Variants in FHAD1 observed in about 807,000 individuals in gnomAD.
FHAD1 encodes forkhead-associated domain-containing protein 1.
FHAD1 carries 146 observed loss-of-function variants against 191.3 expected under a neutral mutation model. That is an observed-to-expected ratio of 0.76 (90% CI 0.67 to 0.88). FHAD1 has a LOEUF of 0.88. FHAD1 is among the 40% of genes least tolerant of loss of function. The pLI is 0.00. For missense variants in FHAD1, 1,635 were observed against 1,785.8 expected (o/e 0.92, Z 1.52); for synonymous variants, 616 against 672.3 (o/e 0.92, Z 1.29).
chr1:15,307,578 C>T (rs1256627691), intron 6 of FHAD1, among the ~76,000 whole-genome samples: 1 of 152,182 alleles, frequency 6.6e-6, no homozygotes, highest in Non-Finnish European at 1.5e-5. Context: ...GCTGGTCTTT[C>T]TCATGCTGTT....
chr1:15,282,784 C>T (rs892109250), intron 3 of FHAD1, among the ~76,000 whole-genome samples: 14 of 152,186 alleles, frequency 9.2e-5, no homozygotes, highest in Non-Finnish European at 5.9e-5. Context: ...TAAGAATAGA[C>T]AAGCAACAAA....
chr1:15,331,405 T>G (rs889073891), intron 14 of FHAD1, among the ~76,000 whole-genome samples: 2 of 149,440 alleles, frequency 1.3e-5, no homozygotes, highest in Admixed American at 1.3e-4. Context: ...GATGGAAGCA[T>G]TGGTGGGTGG....
At chr1:15,390,874 G>A (rs1164096166) in intron 32 of FHAD1, among the ~76,000 whole-genome samples, 1 of 152,144 alleles carries the variant, frequency 6.6e-6, no homozygotes, top group Non-Finnish European at 1.5e-5. Context: ...GGGAGGCGCT[G>A]CCTCGAGCTA....
chr1:15,298,945 G>A (rs190884243), intron 5 of FHAD1, among the ~76,000 whole-genome samples: 2 of 151,590 alleles, frequency 1.3e-5, no homozygotes, highest in East Asian at 3.9e-4. Flanking sequence ...CAAGCAGGAG[G>A]ATCACTTGAG....
At position 15,316,518 on chromosome 1, in the gene FHAD1, AC is replaced by A. The variant is rs1368262316; in HGVS notation, c.1260+53del. The A allele has an allele frequency of 6.7e-7, 1 of 1,483,904 alleles. No homozygotes were observed. Among genetic ancestry groups the A allele is most frequent in the Non-Finnish European group, 9.2e-7 (1 of 1,087,740 alleles). 91.9% of individuals were successfully genotyped at this position (1,483,904 alleles called of 1,614,324 possible). On this transcript the variant is annotated intron_variant, in intron 9 of 33. Coordinates refer to ENST00000688493, the MANE Select transcript of FHAD1 (RefSeq NM_001391957.1). This position sits in a 1 kb window ranked among gnomAD's most constrained non-coding sequence, Gnocchi z 4.3. ...GTACCACCAGAAAAAACAGAGTTTG[AC>A]CTTGAGGTTCTTGGTGGGATCCTGG...
rs1444469344 is a variant in FHAD1 at position 15,317,802 on chromosome 1, A to G, written c.1261-22A>G. The stretch of plus-strand genomic sequence containing the variant: ...GCTCCTGCCCCCATCAGGGAGGTTC[A>G]CTCTTGTTGAAACTTTTTCAGCAAA... On this transcript the variant is annotated intron_variant, in intron 9 of 33. Transcript: ENST00000688493. The G allele has an allele frequency of 2.6e-6, 4 of 1,530,158 alleles. No individual in the cohort carries two copies. The East Asian group carries it at 7.4e-5, about 28-fold the overall frequency. 94.8% of individuals were successfully genotyped at this position (1,530,158 alleles called of 1,614,324 possible).
intron 3 of FHAD1, among the ~76,000 whole-genome samples, chr1:15,275,632 G>C (rs1256603855): frequency 6.6e-6 from 1 of 152,132 alleles, no homozygotes; most frequent in Non-Finnish European, 1.5e-5. Flanking sequence ...CTTTCTGATG[G>C]CTTCCCTTTC....
intron 31 of FHAD1, among the ~76,000 whole-genome samples, chr1:15,386,849 C>CTT (rs59453670): frequency 0.024 from 3,489 of 144,240 alleles, 127 homozygotes; most frequent in African/African-American, 0.082. Context: ...TCCTTTCTTT[C>CTT]TTTTTTTTTT....
intron 4 of FHAD1, among the ~76,000 whole-genome samples, chr1:15,296,038 G>A (rs2100768879): frequency 6.6e-6 from 1 of 152,278 alleles, no homozygotes; most frequent in Non-Finnish European, 1.5e-5. Flanking sequence ...TGGAAACTAA[G>A]GCTGAAAGAG....
chr1:15,250,624 A>G (rs1752004), intron 1 of FHAD1, among the ~76,000 whole-genome samples: 44,321 of 152,174 alleles, frequency 0.29, 7,499 homozygotes, highest in Non-Finnish European at 0.39. Flanking sequence ...ATGAAGAAAT[A>G]CAGCGATTTA....
chr1:15,317,924 G>T lies in FHAD1; in HGVS notation c.1361G>T (p.Ser454Ile). 6.5e-7 allele frequency: 1 copy of T among 1,549,410 alleles called. No individual in the cohort carries two copies. Among genetic ancestry groups the T allele is most frequent in the Non-Finnish European group, 8.7e-7 (1 of 1,144,890 alleles). Residue 454 changes from serine (S) to isoleucine (I), a missense_variant, in exon 10 of 34, where the codon AGC becomes ATC. Transcript: ENST00000688493. ...SVISRTLREK[S>I]KVEEKLQEDS... ...ATCTCTAGGACTCTGAGAGAAAAAA[G>T]CAAGGTACGTAGTGGACAACAGGCC...
Position 15,324,467 on chromosome 1 carries a change from C to T in FHAD1, c.1381C>T (p.Gln461Ter), listed in dbSNP as rs1452477094. ...GTCATTTCAGGTTGAAGAGAAGCTT[C>T]AGGAGGATTCCAGAAGGAAATTGCT... ...REKSKVEEKL[Q>*]EDSRRKLLQL... is the part of the protein sequence containing the mutation. Residue 461 changes from glutamine (Q) to a stop codon, truncating the protein, a stop_gained, in exon 11 of 34, where the codon CAG becomes TAG. Transcript: ENST00000688493. LOFTEE classifies it high-confidence loss of function. 1 of 1,551,858 alleles carries T rather than the reference C, an allele frequency of 6.4e-7. No individual in the cohort carries two copies. The highest frequency in any genetic ancestry group is 1.2e-5 in the South Asian group (1 of 84,050).
chr1:15,360,530 A>G lies in FHAD1; in HGVS notation c.2789A>G (p.Gln930Arg), dbSNP rs1203030929. 1.3e-6 allele frequency: 2 copies of G among 1,551,754 alleles called. No individual in the cohort carries two copies. Among genetic ancestry groups the G allele is most frequent in the African/African-American group, 1.4e-5 (1 of 73,042 alleles). ...CAGCAGAAGATGGTAAAGGCCCTCC[A>G]GGATGAGCAGGAATCACAGAGACAC... The part of the protein sequence containing the change: ...ILQQKMVKAL[Q>R]DEQESQRHGF... Residue 930 changes from glutamine (Q) to arginine (R), a missense_variant, in exon 22 of 34, where the codon CAG becomes CGG. Gln to Arg is a conservative substitution (Grantham distance 43, BLOSUM62 1). Coordinates refer to ENST00000688493, the MANE Select transcript of FHAD1 (RefSeq NM_001391957.1).
rs1038689042 is a variant in FHAD1 at position 15,344,934 on chromosome 1, C to A, written c.2131-149C>A. On this transcript the variant is annotated intron_variant, in intron 16 of 33. Transcript: ENST00000688493. ...TACCCTGGGTCTCCTGACTCCAGAG[C>A]ACATGCTCTGAGCTCCTAGGCTCTG... The A allele has an allele frequency of 4.7e-6, 3 of 641,470 alleles. No individual in the cohort carries two copies. In the Admixed American group the frequency reaches 8.0e-5, roughly 17 times the overall value. 39.7% of individuals were successfully genotyped at this position (641,470 alleles called of 1,614,324 possible).
intron 2 of FHAD1, among the ~76,000 whole-genome samples, chr1:15,266,525 CT>C (rs1300349006): frequency 6.6e-6 from 1 of 152,022 alleles, no homozygotes; most frequent in South Asian, 2.1e-4. Flanking sequence ...GCAGTTTCCC[CT>C]ATTATTAACA....
intron 3 of FHAD1, among the ~76,000 whole-genome samples, chr1:15,278,286 T>C (rs1298860513): frequency 6.6e-6 from 1 of 152,156 alleles, no homozygotes; most frequent in Non-Finnish European, 1.5e-5. Flanking sequence ...CATAACACTA[T>C]GCTATTCTGC....
chr1:15,300,902 T>C (rs1010863600), intron 5 of FHAD1, among the ~76,000 whole-genome samples: 1 of 152,172 alleles, frequency 6.6e-6, no homozygotes, highest in African/African-American at 2.4e-5. Flanking sequence ...TGGTCTGGGC[T>C]CACTGCAACC....
chr1:15,330,141 G>C (rs1020226820), intron 14 of FHAD1: 1 of 152,724 alleles, frequency 6.5e-6, no homozygotes, highest in Non-Finnish European at 1.5e-5. Context: ...TGTTACCGAC[G>C]GCAGTTACTG....
At chr1:15,382,427 C>T (rs916062826) in intron 31 of FHAD1, among the ~76,000 whole-genome samples, 53 of 152,160 alleles carry the variant, frequency 3.5e-4, no homozygotes, top group African/African-American at 1.2e-3. Flanking sequence ...TGGTGCTCAT[C>T]TGTATTTTTT....
Sources: allele counts gnomAD v4.1 joint callset (sites outside exome capture counted in the v4.1 genomes callset), GRCh38; gene constraint gnomAD v4.1.1; non-coding constraint Gnocchi (gnomAD v3.1); transcripts MANE v1.5; gene names NCBI Gene and HGNC (gene_info 2026-07-23, HGNC 2026-07-21).